The following LHFPL3 variants were observed in gnomAD, a reference collection of about 807,000 sequenced individuals.
LHFPL3 encodes the protein LHFPL tetraspan subfamily member 3 protein.
LHFPL3 carries 5 observed loss-of-function variants against 19.3 expected under a neutral mutation model. The observed-to-expected ratio is 0.26, with a 90% confidence interval of 0.14 to 0.54. The LOEUF is 0.54. Ranked by LOEUF, LHFPL3 falls within the 20% of genes least tolerant of loss-of-function variation. The pLI is 0.94. For missense variants in LHFPL3, 249 were observed against 307.4 expected (o/e 0.81, Z 1.42); for synonymous variants, 133 against 126.2 (o/e 1.05, Z -0.36).
intron 2 of LHFPL3, among the ~76,000 whole-genome samples, chr7:104,786,923 G>A (rs975710120): frequency 2.6e-5 from 4 of 152,092 alleles, no homozygotes; most frequent in South Asian, 2.1e-4. Flanking sequence ...GTTAAGAACC[G>A]ACAATTCTAG....
intron 2 of LHFPL3, among the ~76,000 whole-genome samples, chr7:104,889,839 C>T (rs1365831015): frequency 1.3e-5 from 2 of 152,128 alleles, no homozygotes; most frequent in East Asian, 3.8e-4. Context: ...GTACATATTA[C>T]CTTGATGAAG....
intron 1 of LHFPL3, among the ~76,000 whole-genome samples, chr7:104,673,795 A>T (rs1161369241): frequency 6.6e-6 from 1 of 152,238 alleles, no homozygotes; most frequent in Non-Finnish European, 1.5e-5. Flanking sequence ...TTAGAACAAT[A>T]AAGACAGATA....
chr7:104,470,596 G>A (rs1440563152), intron 1 of LHFPL3, among the ~76,000 whole-genome samples: 1 of 152,138 alleles, frequency 6.6e-6, no homozygotes, highest in African/African-American at 2.4e-5. Flanking sequence ...TTAACTCACT[G>A]ATTCTAATAA....
Position 104,606,892 on chromosome 7 carries a change from C to T in LHFPL3, c.446-129783C>T, listed in dbSNP as rs73179999. Among the ~76,000 whole-genome samples the T allele has an allele frequency of 2.3e-3, 351 of 152,018 alleles. 1 individual carries two copies. Among genetic ancestry groups the T allele is most frequent in the Non-Finnish European group, 4.2e-3 (288 of 67,962 alleles). On this transcript the variant is annotated intron_variant, in intron 1 of 2. Transcript: ENST00000424859. ...CTGAGTCCGTCTCTGGGTGAGGCTA[C>T]GGGATCCGTTGAATCATGAGTCATG...
intron 2 of LHFPL3, among the ~76,000 whole-genome samples, chr7:104,844,223 C>T (rs1272999404): frequency 6.6e-6 from 1 of 152,216 alleles, no homozygotes; most frequent in Admixed American, 6.5e-5. Context: ...CACCACCACC[C>T]AAATCCCCAT....
At chr7:104,901,634 C>T (rs1007414050) in intron 2 of LHFPL3, among the ~76,000 whole-genome samples, 1 of 152,116 alleles carries the variant, frequency 6.6e-6, no homozygotes, top group African/African-American at 2.4e-5. Context: ...GTGGTGCGTT[C>T]ATGGCTCACT....
intron 1 of LHFPL3, among the ~76,000 whole-genome samples, chr7:104,501,889 T>C (rs1271069537): frequency 6.6e-6 from 1 of 152,250 alleles, no homozygotes; most frequent in Non-Finnish European, 1.5e-5. Context: ...TTGTCTGTTT[T>C]CTTTTTCTGG....
intron 1 of LHFPL3, among the ~76,000 whole-genome samples, chr7:104,732,048 C>T (rs1303218003): frequency 6.6e-6 from 1 of 152,182 alleles, no homozygotes; most frequent in Non-Finnish European, 1.5e-5. Context: ...ATATATTGAA[C>T]CAGCCTTGCA....
At chr7:104,440,302 C>T (rs532229290) in intron 1 of LHFPL3, among the ~76,000 whole-genome samples, 1 of 152,070 alleles carries the variant, frequency 6.6e-6, no homozygotes, top group Admixed American at 6.6e-5. Flanking sequence ...TCTCAGCAAA[C>T]TATCGCCAAG....
intron 1 of LHFPL3, among the ~76,000 whole-genome samples, chr7:104,671,583 A>AAAAG (rs61568555): frequency 0.067 from 10,112 of 150,342 alleles, 593 homozygotes; most frequent in African/African-American, 0.16. Context: ...AAAAAAAAAA[A>AAAAG]AAAGAAAGAA....
At chr7:104,424,461 GAGA>G (rs1308526267) in intron 1 of LHFPL3, among the ~76,000 whole-genome samples, 2 of 152,200 alleles carry the variant, frequency 1.3e-5, no homozygotes, top group South Asian at 2.1e-4. Flanking sequence ...TTCCATTACA[GAGA>G]AGGTTATGTA....
chr7:104,749,449 G>T (rs1394065124), intron 2 of LHFPL3, among the ~76,000 whole-genome samples: 1 of 152,158 alleles, frequency 6.6e-6, no homozygotes, highest in African/African-American at 2.4e-5. Flanking sequence ...ACTGAAACCT[G>T]GTGGCTGGTT....
chr7:104,736,541 T>A, intron 1 of LHFPL3, 134 bp from the exon 2 acceptor site: 3 of 641,712 alleles, frequency 4.7e-6, no homozygotes, highest in Non-Finnish European at 8.2e-6. Flanking sequence ...AGAGTGACAG[T>A]GGTGAGATTT....
At chr7:104,557,304 C>G (rs558062784) in intron 1 of LHFPL3, among the ~76,000 whole-genome samples, 3 of 152,286 alleles carry the variant, frequency 2.0e-5, no homozygotes, top group Admixed American at 2.0e-4. Context: ...AATGGACTTA[C>G]AGTTCCACAT....
intron 2 of LHFPL3, among the ~76,000 whole-genome samples, chr7:104,789,888 T>C (rs1584535292): frequency 1.3e-5 from 2 of 152,270 alleles, no homozygotes; most frequent in Middle Eastern, 3.4e-3. Context: ...ATATTGAGAC[T>C]GATTATGAGC....
At chr7:104,569,946 T>C (rs960716105) in intron 1 of LHFPL3, among the ~76,000 whole-genome samples, 1 of 152,232 alleles carries the variant, frequency 6.6e-6, no homozygotes, top group Non-Finnish European at 1.5e-5. Context: ...TCTTCAAGAA[T>C]AATCATAAGC....
chr7:104,732,814 G>T (rs1049086472), intron 1 of LHFPL3, among the ~76,000 whole-genome samples: 12 of 152,116 alleles, frequency 7.9e-5, no homozygotes, highest in African/African-American at 2.4e-4. Flanking sequence ...TAATTGTCAT[G>T]TTAGGATGTC....
chr7:104,508,845 A>G (rs1343752366), intron 1 of LHFPL3, among the ~76,000 whole-genome samples: 1 of 151,918 alleles, frequency 6.6e-6, no homozygotes, highest in Admixed American at 6.6e-5. Context: ...TTAAAGATCG[A>G]TAAAATTGAC....
At chr7:104,771,335 T>A (rs140730061) in intron 2 of LHFPL3, among the ~76,000 whole-genome samples, 1 of 152,192 alleles carries the variant, frequency 6.6e-6, no homozygotes, top group African/African-American at 2.4e-5. Flanking sequence ...ATGAGTTGAA[T>A]AGGGCAGGAA....
Sources: allele counts gnomAD v4.1 joint callset (sites outside exome capture counted in the v4.1 genomes callset), GRCh38; gene constraint gnomAD v4.1.1; transcripts MANE v1.5; gene names NCBI Gene and HGNC (gene_info 2026-07-23, HGNC 2026-07-21).